Variants in DENND5B observed in about 807,000 individuals in gnomAD.
DENND5B encodes the protein DENN domain containing 5B.
Under a neutral mutation model 140.6 loss-of-function variants are expected in DENND5B, and 34 were observed. The observed-to-expected ratio is 0.24, with a 90% CI of 0.18 to 0.32. The LOEUF is 0.32. Among genes scored for constraint, DENND5B ranks in the 10% least tolerant of loss-of-function variants. The pLI, the probability that DENND5B is intolerant of heterozygous loss-of-function variation, is 1.00. For missense variants in DENND5B, 1,142 were observed against 1,560.2 expected (o/e 0.73, Z 4.52); for synonymous variants, 551 against 562.1 (o/e 0.98, Z 0.28).
At chr12:31,548,419 G>A (rs888311582) in intron 1 of DENND5B, among the ~76,000 whole-genome samples, 34 of 143,186 alleles carry the variant, frequency 2.4e-4, no homozygotes, top group African/African-American at 8.5e-4. Flanking sequence ...AAAAAAAAAA[G>A]AATTTAAGCG....
At chr12:31,584,753 G>A (rs974870134) in intron 1 of DENND5B, among the ~76,000 whole-genome samples, 1 of 152,132 alleles carries the variant, frequency 6.6e-6, no homozygotes, top group African/African-American at 2.4e-5. Context: ...TTGAGCCCAA[G>A]GAGATTGAGG....
In DENND5B at chr12:31,479,852, G is replaced by A. The variant is rs1044129107; in HGVS notation, c.641C>T (p.Ala214Val). ...GGGTGGTGGCTGCTGTGAGGTAACA[G>A]CCTTGTAAAGCTGGATAAGGAATTT... ...CKKFLIQLYK[A>V]VTSQQPPPLP... The change falls in exon 3 of 21, where the codon GCT becomes GTT. Residue 214 changes from alanine (A) to valine (V), a missense_variant. This residue lies in a region of DENND5B where 708 missense variants were observed against 905.5 expected (regional missense o/e 0.78). Coordinates refer to ENST00000389082, the MANE Select transcript of DENND5B (RefSeq NM_144973.4). 6.2e-7 allele frequency: 1 copy of A among 1,613,954 alleles called. No individual in the cohort carries two copies. The highest frequency in any genetic ancestry group is 8.5e-7 in the Non-Finnish European group (1 of 1,179,850).
chr12:31,500,449 G>A (rs1946958268), intron 1 of DENND5B: 1 of 444,190 alleles, frequency 2.3e-6, no homozygotes, highest in South Asian at 1.6e-5. Context: ...GGAGGCCGAG[G>A]CAGGTGAATT....
At chr12:31,454,411 C>G (rs1363332122) in intron 4 of DENND5B, among the ~76,000 whole-genome samples, 1 of 152,146 alleles carries the variant, frequency 6.6e-6, no homozygotes, top group Non-Finnish European at 1.5e-5. Flanking sequence ...AATGTCGCAT[C>G]TTGCTGAAGA....
chr12:31,412,701 C>A (rs1410098453), intron 13 of DENND5B, among the ~76,000 whole-genome samples: 2 of 152,168 alleles, frequency 1.3e-5, no homozygotes, highest in African/African-American at 2.4e-5. Context: ...CTAGTGAATG[C>A]AAGGCTCTCA....
chr12:31,384,280 C>A lies in DENND5B; in HGVS notation c.*3323G>T, dbSNP rs1940754825. On this transcript the variant is annotated 3_prime_UTR_variant, in exon 21 of 21. Coordinates refer to ENST00000389082, the MANE Select transcript of DENND5B (RefSeq NM_144973.4). The stretch of plus-strand genomic sequence containing the variant: ...TGAAGTGATCCTCCTGCCTTGGCTT[C>A]CCAAGCAGCTGGGACTACAGGTGTG... The A allele has an allele frequency of 6.6e-6, 1 of 152,152 alleles. No individual in the cohort carries two copies. Among genetic ancestry groups the A allele is most frequent in the South Asian group, 2.1e-4 (1 of 4,824 alleles). 9.4% of individuals were successfully genotyped at this position (152,152 alleles called of 1,614,324 possible).
chr12:31,575,900 A>G (rs1949997049), intron 1 of DENND5B, among the ~76,000 whole-genome samples: 1 of 152,124 alleles, frequency 6.6e-6, no homozygotes, highest in Non-Finnish European at 1.5e-5. Flanking sequence ...CGGGAGGCGG[A>G]GGTTGCAGTG....
intron 13 of DENND5B, among the ~76,000 whole-genome samples, chr12:31,413,004 T>C (rs1307139973): frequency 6.6e-6 from 1 of 151,690 alleles, no homozygotes; most frequent in Non-Finnish European, 1.5e-5. Context: ...CACTGCAACC[T>C]CCACCTCCCA....
chr12:31,480,034 G>A lies in DENND5B; in HGVS notation c.459C>T (p.Cys153=). 1 of 1,613,928 alleles carries A rather than the reference G, an allele frequency of 6.2e-7. No individual in the cohort carries two copies. Among genetic ancestry groups the A allele is most frequent in the South Asian group, 1.1e-5 (1 of 91,084 alleles). ...GACTACTTGCCAATGAGTCCATACT[G>A]CAGGAAGATGAAGCATACACACTGC... is the stretch of plus-strand genomic sequence containing the variant. ...HYSSVYASSS[C]SMDSLASSLD... is the part of the protein sequence containing the mutation. The change falls in exon 3 of 21, where the codon TGC becomes TGT. Residue 153 remains cysteine, a synonymous_variant. Coordinates refer to ENST00000389082, the MANE Select transcript of DENND5B (RefSeq NM_144973.4).
At chr12:31,469,870 T>C (rs1431580746) in intron 3 of DENND5B, among the ~76,000 whole-genome samples, 1 of 152,110 alleles carries the variant, frequency 6.6e-6, no homozygotes, top group Non-Finnish European at 1.5e-5. Context: ...CCCCTTCACC[T>C]CCTGCCATGA....
intron 1 of DENND5B, among the ~76,000 whole-genome samples, chr12:31,515,370 T>C (rs1042934519): frequency 6.6e-6 from 1 of 152,218 alleles, no homozygotes; most frequent in Non-Finnish European, 1.5e-5. Flanking sequence ...GTTTAAATTA[T>C]CATTATTATT....
chr12:31,551,028 T>TTA (rs1190643461), intron 1 of DENND5B, among the ~76,000 whole-genome samples: 4 of 152,174 alleles, frequency 2.6e-5, no homozygotes, highest in Non-Finnish European at 5.9e-5. Flanking sequence ...TTCACTCTGA[T>TTA]GGTAGTTTCT....
intron 1 of DENND5B, among the ~76,000 whole-genome samples, chr12:31,553,771 G>A (rs1337244696): frequency 6.6e-6 from 1 of 152,134 alleles, no homozygotes; most frequent in Non-Finnish European, 1.5e-5. Flanking sequence ...TATATATTTA[G>A]GATAGTTAAC....
intron 1 of DENND5B, among the ~76,000 whole-genome samples, chr12:31,516,035 C>A (rs79575480): frequency 6.6e-6 from 1 of 152,104 alleles, no homozygotes; most frequent in African/African-American, 2.4e-5. Context: ...TTATCTTGCA[C>A]GTAGATGTAT....
chr12:31,583,925 T>A (rs1427953347), intron 1 of DENND5B, among the ~76,000 whole-genome samples: 1 of 152,168 alleles, frequency 6.6e-6, no homozygotes, highest in Non-Finnish European at 1.5e-5. Context: ...AGGTCATTAT[T>A]AAACAAAAAT....
At chr12:31,466,269 C>T (rs1227876188) in intron 3 of DENND5B, among the ~76,000 whole-genome samples, 1 of 151,958 alleles carries the variant, frequency 6.6e-6, no homozygotes. Flanking sequence ...AGGAGAACCA[C>T]TTGAACCCAG....
chr12:31,531,957 C>T (rs1411998795), intron 1 of DENND5B, among the ~76,000 whole-genome samples: 1 of 152,060 alleles, frequency 6.6e-6, no homozygotes, highest in Non-Finnish European at 1.5e-5. Context: ...GTTTATGGAG[C>T]CATTTCACTG....
intron 1 of DENND5B, among the ~76,000 whole-genome samples, chr12:31,511,448 TAAAATAA>T (rs1400741565): frequency 6.6e-6 from 1 of 152,118 alleles, no homozygotes; most frequent in Non-Finnish European, 1.5e-5. Context: ...ATTGATGTGT[TAAAATAA>T]AATTTTTTCT....
chr12:31,518,306 C>T (rs3898712), intron 1 of DENND5B, among the ~76,000 whole-genome samples: 61,690 of 151,896 alleles, frequency 0.41, 13,028 homozygotes, highest in East Asian at 0.57. Flanking sequence ...AGTCCCTCTC[C>T]CTCTCTCATT....
Sources: allele counts gnomAD v4.1 joint callset (sites outside exome capture counted in the v4.1 genomes callset), GRCh38; gene constraint gnomAD v4.1.1; regional missense constraint gnomAD v4.1.1; transcripts MANE v1.5; gene names NCBI Gene and HGNC (gene_info 2026-07-23, HGNC 2026-07-21).